Variants in SKIC8 observed in about 807,000 individuals in gnomAD.
The protein encoded by SKIC8 is SKI8 subunit of superkiller complex.
At chr15:78,283,428 A>G in the SKIC8 span, 3 of 1,610,810 alleles carry the variant, frequency 1.9e-6, no homozygotes, top group South Asian at 1.1e-5. Context: ...GGAGACTTTG[A>G]TGTTTAAATT....
the SKIC8 span, chr15:78,289,514 G>T: frequency 1.2e-6 from 1 of 813,540 alleles, no homozygotes; most frequent in Non-Finnish European, 2.0e-6. Flanking sequence ...TTGATATTTT[G>T]TAAATCTAAT....
chr15:78,293,165 A>G, the SKIC8 span: 6 of 1,613,636 alleles, frequency 3.7e-6, no homozygotes, highest in Non-Finnish European at 5.1e-6. Flanking sequence ...AGAGGCACTC[A>G]CCATTTCCAG....
the SKIC8 span, chr15:78,288,423 G>C: frequency 6.3e-7 from 1 of 1,588,578 alleles, no homozygotes; most frequent in Middle Eastern, 2.0e-4. Context: ...GTGAACCACT[G>C]CCTCCTCACT....
the SKIC8 span, among the ~76,000 whole-genome samples, chr15:78,296,671 A>G: frequency 3.6e-4 from 55 of 152,056 alleles, no homozygotes; most frequent in African/African-American, 1.3e-3. Flanking sequence ...ATGTCTGGAT[A>G]TTTTAATTTT....
chr15:78,293,504 G>T, the SKIC8 span, among the ~76,000 whole-genome samples: 1 of 152,070 alleles, frequency 6.6e-6, no homozygotes, highest in Non-Finnish European at 1.5e-5. Context: ...GTAGTACTTC[G>T]GACTCTAAAT....
chr15:78,290,038 G>A, the SKIC8 span: 52 of 1,613,988 alleles, frequency 3.2e-5, no homozygotes, highest in East Asian at 9.4e-4. Flanking sequence ...TCACTTTCCC[G>A]ACATGAGTTC....
the SKIC8 span, chr15:78,286,894 T>G: frequency 6.6e-6 from 1 of 152,116 alleles, no homozygotes; most frequent in African/African-American, 2.4e-5. Context: ...AAGGGATGAT[T>G]TGGTAGAGCA....
chr15:78,292,611 C>G, the SKIC8 span: 1 of 1,614,028 alleles, frequency 6.2e-7, no homozygotes, highest in Non-Finnish European at 8.5e-7. Context: ...AAGTAAAACT[C>G]TTACCAGGTC....
the SKIC8 span, chr15:78,288,138 C>T: frequency 2.6e-4 from 172 of 664,122 alleles, 6 homozygotes; most frequent in South Asian, 3.4e-3. Context: ...TAAAAATGGG[C>T]GCTGAACGGG....
chr15:78,288,365 G>A, the SKIC8 span: 4 of 1,613,626 alleles, frequency 2.5e-6, no homozygotes, highest in African/African-American at 1.3e-5. Context: ...GTCAAGGAGC[G>A]AATGGGCATG....
the SKIC8 span, chr15:78,288,833 T>G: frequency 5.1e-6 from 2 of 391,928 alleles, no homozygotes; most frequent in African/African-American, 2.1e-5. Flanking sequence ...AAAGTCTCCC[T>G]CCAACCTACC....
At chr15:78,287,821 C>A in the SKIC8 span, among the ~76,000 whole-genome samples, 21 of 152,240 alleles carry the variant, frequency 1.4e-4, no homozygotes, top group African/African-American at 5.1e-4. Context: ...GGGCCAAAAC[C>A]AAAAACGCTC....
chr15:78,294,618 C>A, the SKIC8 span: 1 of 307,750 alleles, frequency 3.2e-6, no homozygotes, highest in East Asian at 6.6e-5. Flanking sequence ...CCGGCATTAA[C>A]AGAGTTTTGA....
chr15:78,296,264 G>T, the SKIC8 span, among the ~76,000 whole-genome samples: 1 of 151,994 alleles, frequency 6.6e-6, no homozygotes, highest in Non-Finnish European at 1.5e-5. Flanking sequence ...AAATTAGCTG[G>T]GTGTAGTGGC....
At chr15:78,292,635 C>T in the SKIC8 span, 1 of 1,614,180 alleles carries the variant, frequency 6.2e-7, no homozygotes, top group Non-Finnish European at 8.5e-7. Context: ...CATCTATGGA[C>T]TTTATCTGTT....
chr15:78,295,483 T>C, the SKIC8 span: 1 of 639,656 alleles, frequency 1.6e-6, no homozygotes, highest in South Asian at 1.5e-5. Flanking sequence ...GATGAACCAA[T>C]CCTCCTCTCA....
At chr15:78,293,311 A>G in the SKIC8 span, 7 of 1,560,734 alleles carry the variant, frequency 4.5e-6, no homozygotes, top group Non-Finnish European at 5.3e-6. Context: ...GTCTTCTTGC[A>G]TACGACTTAA....
At chr15:78,293,148 T>G in the SKIC8 span, 2 of 1,605,614 alleles carry the variant, frequency 1.2e-6, no homozygotes, top group Non-Finnish European at 1.7e-6. Flanking sequence ...AGGCTGTATG[T>G]TAGGGGAGAG....
the SKIC8 span, among the ~76,000 whole-genome samples, chr15:78,294,020 C>T: frequency 3.9e-5 from 6 of 152,168 alleles, no homozygotes; most frequent in African/African-American, 7.2e-5. Context: ...AATTCTCCAG[C>T]GATACCTTCC....
Sources: allele counts gnomAD v4.1 joint callset (sites outside exome capture counted in the v4.1 genomes callset), GRCh38; gene constraint gnomAD v4.1.1; transcripts MANE v1.5; gene names NCBI Gene and HGNC (gene_info 2026-07-23, HGNC 2026-07-21).